Variants in ERCC2 observed in about 807,000 individuals in gnomAD.
ERCC2 encodes the protein ERCC excision repair 2, TFIIH core complex helicase subunit.
Under a neutral mutation model 99.4 loss-of-function variants are expected in ERCC2, and 90 were observed. The observed-to-expected ratio is 0.91, with a 90% CI of 0.76 to 1.08. ERCC2 has a LOEUF of 1.08. Among genes scored for constraint, ERCC2 ranks in the 50% least tolerant of loss-of-function variants. The probability of loss-of-function intolerance (pLI) is 0.00; values close to 1 mark genes in which losing one functional copy is unlikely to be tolerated. For missense variants in ERCC2, 993 were observed against 1,038.1 expected (o/e 0.96, Z 0.60); for synonymous variants, 497 against 432.4 (o/e 1.15, Z -1.85).
At chr19:45,363,052 C>G (rs1016138859) in intron 11 of ERCC2, among the ~76,000 whole-genome samples, 4 of 152,146 alleles carry the variant, frequency 2.6e-5, no homozygotes, top group African/African-American at 7.2e-5. Flanking sequence ...ACCAAAGAAC[C>G]CTGTGAAGTA....
At chr19:45,359,238 G>A (rs1054160885) in intron 12 of ERCC2, among the ~76,000 whole-genome samples, 1 of 152,304 alleles carries the variant, frequency 6.6e-6, no homozygotes, top group African/African-American at 2.4e-5. Context: ...AGATGAGGAA[G>A]GATGATCCAG....
rs566827695 is a variant in ERCC2, at chr19:45,357,493, G to T, written c.1358C>A (p.Ser453Tyr). 6.2e-7 allele frequency: 1 copy of T among 1,614,160 alleles called. No individual in the cohort carries two copies. Among genetic ancestry groups the T allele is most frequent in the South Asian group, 1.1e-5 (1 of 91,068 alleles). The stretch of plus-strand genomic sequence containing the variant: ...CCTTACCCCAGATGTGATGATGACA[G>T]ACTGGAAACGCTCAAATACGGGTTT... The part of the protein sequence containing the change: ...AIKPVFERFQ[S>Y]VIITSGTLSP... Residue 453 changes from serine (S) to tyrosine (Y), a missense_variant, in exon 14 of 23, where the codon TCT becomes TAT. Physicochemically the swap from Ser to Tyr is moderately radical, Grantham distance 144. This residue lies in a region of ERCC2 where 909 missense variants were observed against 930.8 expected (regional missense o/e 0.98). Transcript: ENST00000391945.
In ERCC2 at chr19:45,364,319, A is replaced by G. The variant is rs774897368; in HGVS notation, c.731T>C (p.Ile244Thr). ...GGTGAGGTTGACGCTCATGGAGTCG[A>G]TGCAGACGTTGTCTGGAGAAGGGGG... ...DEAHNIDNVC[I>T]DSMSVNLTRR... The change falls in exon 9 of 23, where the codon ATC (isoleucine) becomes ACC (threonine). Residue 244 changes from isoleucine (I) to threonine (T), a missense_variant. This residue lies in a region of ERCC2 where 909 missense variants were observed against 930.8 expected (regional missense o/e 0.98). Coordinates refer to ENST00000391945, the MANE Select transcript of ERCC2 (RefSeq NM_000400.4). 1.2e-6 allele frequency: 2 copies of G among 1,613,976 alleles called. No individual in the cohort carries two copies. The highest frequency in any genetic ancestry group is 4.5e-5 in the East Asian group (2 of 44,870).
rs1180365343 is a variant in ERCC2 at position 45,370,171 on chromosome 19, A to T, written c.67T>A (p.Ser23Thr). 6.2e-7 allele frequency: 1 copy of T among 1,613,208 alleles called. No individual in the cohort carries two copies. The highest frequency in any genetic ancestry group is 1.3e-5 in the African/African-American group (1 of 74,868). The change falls in exon 2 of 23, where the codon TCC becomes ACC. Residue 23 changes from serine to threonine, a missense_variant. By Grantham distance (58) the Ser-to-Thr change is moderately conservative (BLOSUM62 1). Transcript: ENST00000391945. ...PYDYIYPEQF[S>T]YMRELKRTLD... is the part of the protein sequence containing the mutation. ...GTGCGTTTGAGCTCCCGCATGTAGG[A>T]GAACTGCTCGGGGTAGATGTAGTCG...
chr19:45,362,348 C>T (rs544000540), intron 11 of ERCC2, among the ~76,000 whole-genome samples: 116 of 152,330 alleles, frequency 7.6e-4, no homozygotes, highest in African/African-American at 2.6e-3. Context: ...CTGCCTCTCA[C>T]GCACCTATGG....
rs121913026 is a variant in ERCC2 at position 45,352,235 on chromosome 19, G to A, written c.2164C>T (p.Arg722Trp). 44 of 1,613,898 alleles carry A rather than the reference G, an allele frequency of 2.7e-5. No individual in the cohort carries two copies. Among genetic ancestry groups the A allele is most frequent in the African/African-American group, 1.1e-4 (8 of 74,918 alleles). Residue 722 changes from arginine (R) to tryptophan (W), a missense_variant, in exon 22 of 23, where the codon CGG (arginine) becomes TGG (tryptophan). Physicochemically the swap from Arg to Trp is moderately radical, Grantham distance 101 (BLOSUM62 -3). This residue lies in a region of ERCC2 where 909 missense variants were observed against 930.8 expected (regional missense o/e 0.98). Transcript: ENST00000391945. ...CGGTGGAAGGGCTGTGCCATCTGCC[G>A]CAGGAAGTACTTGGCCACCTGGACA... ...EGVQVAKYFL[R>W]QMAQPFHRED...
At chr19:45,369,022 T>TC (rs1386492733) in intron 3 of ERCC2, 30 bp from the exon 4 acceptor site, 1 of 1,613,830 alleles carries the variant, frequency 6.2e-7, no homozygotes, top group African/African-American at 1.3e-5. Context: ...TCAGTCCCTG[T>TC]CCCGCCCCTT....
In ERCC2 at chr19:45,350,074, A is replaced by C. The variant is rs895129443; in HGVS notation, c.*1555T>G. On this transcript the variant is annotated 3_prime_UTR_variant, in exon 23 of 23. Transcript: ENST00000391945. ...GGAAGTAAGGCCGAGCTCCAAACCCACTCTGCCCCAGGGCAAGGCTTTAGG... is the reference window on the plus strand; with the variant it reads ...GGAAGTAAGGCCGAGCTCCAAACCCCCTCTGCCCCAGGGCAAGGCTTTAGG... 2.0e-6 allele frequency: 1 copy of C among 495,062 alleles called. No individual in the cohort carries two copies. Among genetic ancestry groups the C allele is most frequent in the East Asian group, 3.5e-5 (1 of 28,538 alleles). 30.7% of individuals were successfully genotyped at this position (495,062 alleles called of 1,614,324 possible).
Position 45,357,673 on chromosome 19 carries a change from C to G in ERCC2, c.1264G>C (p.Asp422His), listed in dbSNP as rs745852928. The G allele has an allele frequency of 1.2e-6, 2 of 1,613,992 alleles. No individual in the cohort carries two copies. The highest frequency in any genetic ancestry group is 1.7e-6 in the Non-Finnish European group (2 of 1,180,002). The change falls in exon 13 of 23, where the codon GAC (aspartate) becomes CAC (histidine). Residue 422 changes from aspartate (D) to histidine (H), a missense_variant. Coordinates refer to ENST00000391945, the MANE Select transcript of ERCC2 (RefSeq NM_000400.4). The part of the protein sequence containing the change: ...KGFTIIIEPF[D>H]DRTPTIANPI... ...TTGGCAATGGTCGGGGTTCTGTCGT[C>G]AAAGGGCTCGATGATGATGGTGAAG...
rs1483001294 is a variant in ERCC2 at position 45,364,292 on chromosome 19, C to T, written c.758G>A (p.Arg253His). The change falls in exon 9 of 23, where the codon CGC becomes CAC. Residue 253 changes from arginine (R) to histidine (H), a missense_variant. Physicochemically the swap from Arg to His is conservative, Grantham distance 29 (BLOSUM62 0). This residue lies in a region of ERCC2 where 909 missense variants were observed against 930.8 expected (regional missense o/e 0.98). Coordinates refer to ENST00000391945, the MANE Select transcript of ERCC2 (RefSeq NM_000400.4). The stretch of plus-strand genomic sequence containing the variant: ...GCCCTGGCACCGGTCAAGGGTCCGG[C>T]GGGTGAGGTTGACGCTCATGGAGTC... ...CIDSMSVNLTRRTLDRCQGNL... is the reference protein window; with the variant it reads ...CIDSMSVNLTHRTLDRCQGNL... 5.0e-6 allele frequency: 8 copies of T among 1,613,858 alleles called. No homozygotes were observed. The highest frequency in any genetic ancestry group is 4.0e-5 in the African/African-American group (3 of 74,932).
intron 12 of ERCC2, 197 bp from the exon 13 acceptor site, chr19:45,357,896 T>A (rs1972069367): frequency 3.2e-6 from 2 of 632,450 alleles, no homozygotes; most frequent in Non-Finnish European, 5.7e-6. Flanking sequence ...CCTGTCCGCT[T>A]CGGGCCCACA....
Position 45,350,947 on chromosome 19 carries a change from T to G in ERCC2, c.*682A>C, listed in dbSNP as rs764724605. 18 of 1,613,878 alleles carry G rather than the reference T, an allele frequency of 1.1e-5. No individual in the cohort carries two copies. In the South Asian group the frequency reaches 1.9e-4, roughly 17 times the overall value. ...CACTCATTTCCTCCCTGCTGCCCTCTTTGCAGAATGAAGAGAGCCATGTCA... is the reference window on the plus strand; with the variant it reads ...CACTCATTTCCTCCCTGCTGCCCTCGTTGCAGAATGAAGAGAGCCATGTCA... On this transcript the variant is annotated 3_prime_UTR_variant, in exon 23 of 23. Coordinates refer to ENST00000391945, the MANE Select transcript of ERCC2 (RefSeq NM_000400.4).
intron 11 of ERCC2, 105 bp downstream of exon 11, chr19:45,363,637 AC>A: frequency 7.8e-7 from 1 of 1,288,846 alleles, no homozygotes. Flanking sequence ...CAGCTCACTC[AC>A]TCCTGATGCT....
At chr19:45,358,933 T>C (rs1289291155) in intron 12 of ERCC2, 1 of 769,384 alleles carries the variant, frequency 1.3e-6, no homozygotes, top group Non-Finnish European at 2.4e-6. Context: ...AAGAAATAAA[T>C]GAATGAATGA....
intron 5 of ERCC2, among the ~76,000 whole-genome samples, chr19:45,368,193 A>G (rs906179309): frequency 1.3e-5 from 2 of 152,088 alleles, no homozygotes; most frequent in Non-Finnish European, 2.9e-5. Context: ...AATTTCTAAC[A>G]TTCTTTTAGC....
chr19:45,351,495 T>TTAAAGGC lies in ERCC2; in HGVS notation c.*127_*133dup. The TTAAAGGC allele has an allele frequency of 6.3e-7, 1 of 1,593,802 alleles. No homozygotes were observed. The highest frequency in any genetic ancestry group is 1.7e-5 in the Admixed American group (1 of 59,620). On this transcript the variant is annotated 3_prime_UTR_variant, in exon 23 of 23. Coordinates refer to ENST00000391945, the MANE Select transcript of ERCC2 (RefSeq NM_000400.4). ...GGTGGATAGCTGCCTTCTCCTGCGA[T>TTAAAGGC]TAAAGGCTGTGGACGTGACAGTGAG...
intron 5 of ERCC2, among the ~76,000 whole-genome samples, chr19:45,367,764 C>T (rs372357798): frequency 2.0e-5 from 3 of 152,040 alleles, no homozygotes; most frequent in East Asian, 1.9e-4. Context: ...CCACCCGCCT[C>T]GGCCTCCCAA....
At chr19:45,368,565 G>A in intron 5 of ERCC2, 65 bp downstream of exon 5, 1 of 1,059,034 alleles carries the variant, frequency 9.4e-7, no homozygotes, top group Non-Finnish European at 1.5e-6. Context: ...TCCAGGACTT[G>A]TGGTTGGACG....
chr19:45,368,998 G>A lies in ERCC2; in HGVS notation c.184-6C>T, dbSNP rs763639137. 25 of 1,614,048 alleles carry A rather than the reference G, an allele frequency of 1.5e-5. No homozygotes were observed. In the East Asian group the frequency reaches 2.0e-4, roughly 13 times the overall value. ...GTCACCTCCAGCGGATATGCCTGCC[G>A]ATAACAAGCGGACTCAGTCCCTGTC... On this transcript the variant is annotated splice_region_variant and splice_polypyrimidine_tract_variant and intron_variant, in intron 3 of 22. Coordinates refer to ENST00000391945, the MANE Select transcript of ERCC2 (RefSeq NM_000400.4).
Sources: allele counts gnomAD v4.1 joint callset (sites outside exome capture counted in the v4.1 genomes callset), GRCh38; gene constraint gnomAD v4.1.1; regional missense constraint gnomAD v4.1.1; transcripts MANE v1.5; gene names NCBI Gene and HGNC (gene_info 2026-07-23, HGNC 2026-07-21).